The following DUSP4 variants were observed in gnomAD, a reference collection of about 807,000 sequenced individuals.
DUSP4 encodes dual specificity protein phosphatase 4.
DUSP4 carries 12 observed loss-of-function variants against 27.2 expected under a neutral mutation model. The ratio of observed to expected loss-of-function variants is 0.44; its 90% CI spans 0.28 to 0.71. The LOEUF is 0.71. Among genes scored for constraint, DUSP4 ranks in the 30% least tolerant of loss-of-function variants. The pLI is 0.14. For missense variants in DUSP4, 448 were observed against 551.3 expected (o/e 0.81, Z 1.88); for synonymous variants, 257 against 245.2 (o/e 1.05, Z -0.45).
intron 1 of DUSP4, among the ~76,000 whole-genome samples, chr8:29,341,490 T>C (rs1164026897): frequency 2.0e-5 from 3 of 152,176 alleles, no homozygotes; most frequent in Non-Finnish European, 4.4e-5. Flanking sequence ...GTACATTTTT[T>C]CCTCTCTGAC....
At chr8:29,341,714 T>C (rs1817658281) in intron 1 of DUSP4, among the ~76,000 whole-genome samples, 1 of 152,068 alleles carries the variant, frequency 6.6e-6, no homozygotes, top group Non-Finnish European at 1.5e-5. Flanking sequence ...TAAACCCCTT[T>C]CCTTATTCGG....
chr8:29,345,826 G>A, intron 1 of DUSP4: 4 of 1,132,014 alleles, frequency 3.5e-6, no homozygotes, highest in Non-Finnish European at 4.3e-6. Flanking sequence ...TGTAAATGGT[G>A]TCTAACATAG....
chr8:29,350,416 C>T lies in DUSP4; in HGVS notation c.-138G>A, dbSNP rs903086667. 2 of 992,762 alleles carry T rather than the reference C, an allele frequency of 2.0e-6. No homozygotes were observed. Among genetic ancestry groups the T allele is most frequent in the Non-Finnish European group, 1.4e-6 (1 of 700,580 alleles). The allele number at this position is 992,762 out of a possible 1,614,324, so 61.5% of individuals were successfully genotyped here. A position where few individuals can be genotyped will look rare whatever the true frequency, so the allele number is the denominator to read the frequency against. ...CGCAAACTTGGTCCTCAAGGGCTCC[C>T]GCGGGAGAGCCTCTTCTTCCCTGTC... On this transcript the variant is annotated 5_prime_UTR_variant, in exon 1 of 4. Transcript: ENST00000240100.
In DUSP4 at chr8:29,336,969, C is replaced by T. The variant is rs1415939829; in HGVS notation, c.*57G>A. 13 of 1,471,838 alleles carry T rather than the reference C, an allele frequency of 8.8e-6. No homozygotes were observed. Among genetic ancestry groups the T allele is most frequent in the East Asian group, 4.9e-5 (2 of 40,798 alleles). The allele number at this position is 1,471,838 out of a possible 1,614,324, so 91.2% of individuals were successfully genotyped here. ...TCAGTCCCAACTTTCTGCCCGCATG[C>T]GGCCCGTCCTACCCTTGCTGGGAGC... On this transcript the variant is annotated 3_prime_UTR_variant, in exon 4 of 4. Transcript: ENST00000240100.
chr8:29,349,037 A>T (rs1272713331), intron 1 of DUSP4, among the ~76,000 whole-genome samples: 2 of 152,224 alleles, frequency 1.3e-5, no homozygotes, highest in Non-Finnish European at 2.9e-5. Flanking sequence ...CAAATGTGAC[A>T]AGACAGTCTC....
chr8:29,341,311 C>G (rs1209238723), intron 1 of DUSP4, among the ~76,000 whole-genome samples: 1 of 152,206 alleles, frequency 6.6e-6, no homozygotes, highest in Non-Finnish European at 1.5e-5. Context: ...GTCTTCATGA[C>G]AGTGACATAG....
At chr8:29,348,378 G>A in intron 1 of DUSP4, 1 of 985,646 alleles carries the variant, frequency 1.0e-6, no homozygotes, top group Non-Finnish European at 1.2e-6. Context: ...CAGGCCTTCC[G>A]GGACAAGCCC....
intron 1 of DUSP4, chr8:29,348,902 C>G (rs1262279398): frequency 2.7e-5 from 13 of 477,426 alleles, no homozygotes; most frequent in Admixed American, 6.4e-5. Flanking sequence ...GGCGCCCGGA[C>G]CCCACGCGCC....
intron 1 of DUSP4, among the ~76,000 whole-genome samples, chr8:29,344,755 A>C (rs914939299): frequency 6.6e-6 from 1 of 152,184 alleles, no homozygotes; most frequent in African/African-American, 2.4e-5. Flanking sequence ...CAGATTGATA[A>C]TATCACCATA....
intron 1 of DUSP4, chr8:29,346,213 C>T (rs2117275349): frequency 2.8e-6 from 1 of 351,574 alleles, no homozygotes; most frequent in East Asian, 1.7e-4. Context: ...TGGTCAGGCC[C>T]TGGGCTATTG....
chr8:29,347,842 C>G (rs980739093), intron 1 of DUSP4: 2 of 985,476 alleles, frequency 2.0e-6, no homozygotes, highest in African/African-American at 3.5e-5. Context: ...CTCCAGGGCT[C>G]TCGAATCGGT....
chr8:29,345,545 T>C lies in DUSP4; in HGVS notation c.433+4301A>G, dbSNP rs78840038. 589 of 1,547,382 alleles carry C rather than the reference T, an allele frequency of 3.8e-4. 3 individuals carry two copies. The East Asian group carries it at 0.01, about 28-fold the overall frequency. On this transcript the variant is annotated intron_variant, in intron 1 of 3. Coordinates refer to ENST00000240100, the MANE Select transcript of DUSP4 (RefSeq NM_001394.7). The stretch of plus-strand genomic sequence containing the variant: ...TTCTTCCCATCGTGCTTCCTCTTCG[T>C]TAGCCAGGAACTGCCTCCCGGTAAG...
Position 29,350,073 on chromosome 8 carries a change from C to G in DUSP4, c.206G>C (p.Cys69Ser). ...GYILGSVNVR[C>S]NTIVRRRAKG... ...AGCCCGCCGCCGCACGATGGTGTTA[C>G]AGCGCACGTTGACCGAACCTAGGAT... is the stretch of plus-strand genomic sequence containing the variant. The change falls in exon 1 of 4, where the codon TGT becomes TCT. Residue 69 changes from cysteine (C) to serine (S), a missense_variant. Physicochemically the swap from Cys to Ser is moderately radical, Grantham distance 112 (BLOSUM62 -1). Around this residue, in one of 3 missense-constraint regions of DUSP4, gnomAD observed 345 missense variants for 394.0 expected, o/e 0.88. Coordinates refer to ENST00000240100, the MANE Select transcript of DUSP4 (RefSeq NM_001394.7). 1 of 1,605,346 alleles carries G rather than the reference C, an allele frequency of 6.2e-7. No individual in the cohort carries two copies. The highest frequency in any genetic ancestry group is 8.5e-7 in the Non-Finnish European group (1 of 1,177,216).
intron 1 of DUSP4, among the ~76,000 whole-genome samples, chr8:29,342,804 T>C (rs1804755179): frequency 6.6e-6 from 1 of 152,134 alleles, no homozygotes; most frequent in South Asian, 2.1e-4. Flanking sequence ...AAGGCACCAT[T>C]AGAAGGCAGC....
intron 1 of DUSP4, chr8:29,348,718 CGGAAA>C: frequency 2.0e-6 from 2 of 984,636 alleles, no homozygotes; most frequent in Non-Finnish European, 2.4e-6. Context: ...GGAAGAGGAG[CGGAAA>C]GGAAAGGAAG....
chr8:29,333,782 C>G lies in DUSP4; in HGVS notation c.*3244G>C, dbSNP rs1482407559. 2 of 152,226 alleles carry G rather than the reference C, an allele frequency of 1.3e-5. No individual in the cohort carries two copies. Among genetic ancestry groups the G allele is most frequent in the Non-Finnish European group, 2.9e-5 (2 of 68,050 alleles). The allele number at this position is 152,226 out of a possible 1,614,324, so 9.4% of individuals were successfully genotyped here. A position where few individuals can be genotyped will look rare whatever the true frequency, so the allele number is the denominator to read the frequency against. ...TGGGTATCAGAACTGTATAAGTTCC[C>G]CAAGTAATTCCAATGCGGGACCATG... On this transcript the variant is annotated 3_prime_UTR_variant, in exon 4 of 4. Transcript: ENST00000240100.
chr8:29,348,411 G>A (rs896409312), intron 1 of DUSP4: 6 of 985,518 alleles, frequency 6.1e-6, no homozygotes, highest in Non-Finnish European at 1.2e-6. Context: ...TTCTCTTGGA[G>A]CGCTTTGGGG....
At position 29,350,189 on chromosome 8, in the gene DUSP4, G is replaced by C. The variant is rs764933103; in HGVS notation, c.90C>G (p.Gly30=). 1.2e-6 allele frequency: 2 copies of C among 1,607,204 alleles called. No individual in the cohort carries two copies. The highest frequency in any genetic ancestry group is 2.2e-5 in the South Asian group (2 of 90,864). Residue 30 remains glycine (G), a synonymous_variant, in exon 1 of 4, where the codon GGC becomes GGG. Coordinates refer to ENST00000240100, the MANE Select transcript of DUSP4 (RefSeq NM_001394.7). ...GCCCCAGGGTGCCGTGGCTGCCGCT[G>C]CCGCCCGCGCCGCCGCCATTCTCGT... ...NRDENGGGAG[G]SGSHGTLGLP...
chr8:29,340,206 G>T lies in DUSP4; in HGVS notation c.471C>A (p.Phe157Leu), dbSNP rs774219516. ...CTGCCAGGGCCTTGGTTTTAGAACA[G>T]AATTCTGGGTACTCGGAGGAAAACC... Reference protein sequence around the residue: ...YERFSSEYPEFCSKTKALAAI... With the variant: ...YERFSSEYPELCSKTKALAAI... Residue 157 changes from phenylalanine (F) to leucine (L), a missense_variant, in exon 2 of 4, where the codon TTC becomes TTA. By Grantham distance (22) the Phe-to-Leu change is conservative. Coordinates refer to ENST00000240100, the MANE Select transcript of DUSP4 (RefSeq NM_001394.7). The T allele has an allele frequency of 4.0e-5, 65 of 1,613,544 alleles. No individual in the cohort carries two copies. The South Asian group carries it at 7.0e-4, about 17-fold the overall frequency.
Sources: gnomAD v4.1 joint callset for allele counts (sites outside exome capture counted in the v4.1 genomes callset) on GRCh38, gnomAD v4.1.1 for gene constraint, gnomAD v4.1.1 regional missense constraint, MANE v1.5 for transcripts, NCBI Gene and HGNC (gene_info 2026-07-23, HGNC 2026-07-21) for gene names.